SPAG1: variants seen among roughly 807,000 people sequenced by gnomAD.
SPAG1 encodes sperm-associated antigen 1.
A neutral mutation model predicts 100.5 loss-of-function variants in SPAG1; 69 were observed. That is an observed-to-expected ratio of 0.69 (90% confidence interval 0.57 to 0.84). The LOEUF is 0.84. SPAG1 is among the 40% of genes least tolerant of loss of function. SPAG1 has a pLI of 0.00. For missense variants in SPAG1, 955 were observed against 1,133.1 expected (o/e 0.84, Z 2.26); for synonymous variants, 336 against 411.6 (o/e 0.82, Z 2.22).
chr8:100,175,647 G>A (rs576384187), intron 3 of SPAG1, among the ~76,000 whole-genome samples: 5 of 152,224 alleles, frequency 3.3e-5, no homozygotes, highest in African/African-American at 4.8e-5. Context: ...AATTAGAGAC[G>A]TTGTGTTTAG....
At chr8:100,186,014 AT>A (rs768218604) in intron 7 of SPAG1, among the ~76,000 whole-genome samples, 2 of 145,262 alleles carry the variant, frequency 1.4e-5, no homozygotes, top group Non-Finnish European at 3.0e-5. Flanking sequence ...GCATAGTATG[AT>A]GGTTAAGGGA....
intron 12 of SPAG1, among the ~76,000 whole-genome samples, chr8:100,217,242 A>G (rs1818038173): frequency 6.6e-6 from 1 of 152,122 alleles, no homozygotes; most frequent in African/African-American, 2.4e-5. Flanking sequence ...TGCCTGGCCC[A>G]AAAGTTCTTA....
intron 4 of SPAG1, among the ~76,000 whole-genome samples, chr8:100,181,420 A>G (rs1816362095): frequency 6.6e-6 from 1 of 152,196 alleles, no homozygotes; most frequent in African/African-American, 2.4e-5. Context: ...AATACCCCTG[A>G]TTTTGAATCA....
chr8:100,226,845 A>G (rs568008239), intron 14 of SPAG1, among the ~76,000 whole-genome samples: 7 of 152,358 alleles, frequency 4.6e-5, no homozygotes, highest in South Asian at 2.1e-4. Context: ...TGGTATTTCA[A>G]TCAACAATGG....
chr8:100,184,674 G>A lies in SPAG1; in HGVS notation c.642G>A (p.Glu214=). 1 of 1,585,098 alleles carries A rather than the reference G, an allele frequency of 6.3e-7. No homozygotes were observed. Among genetic ancestry groups the A allele is most frequent in the Non-Finnish European group, 8.5e-7 (1 of 1,170,414 alleles). The change falls in exon 7 of 19, where the codon GAG becomes GAA. Residue 214 remains glutamate (E), a synonymous_variant. Transcript: ENST00000388798. ...EKDFLATREK[E]KGNEAFNSGD... ...ATTTTCTTGCCACTCGTGAAAAGGA[G>A]AAAGGAAATGAAGCTTTCAACTCAG...
At chr8:100,220,980 G>A (rs1013835188) in intron 13 of SPAG1, among the ~76,000 whole-genome samples, 2 of 152,062 alleles carry the variant, frequency 1.3e-5, no homozygotes, top group African/African-American at 4.8e-5. Context: ...GGCTGAGGCA[G>A]GAGAATTGTT....
chr8:100,233,339 C>G lies in SPAG1; in HGVS notation c.1989-72C>G, dbSNP rs146474292. ...CATATTGAGCTATTTTCTGATTTTT[C>G]TTAGCTGTCTAAAACTTACAGATAG... On this transcript the variant is annotated intron_variant, in intron 15 of 18. Coordinates refer to ENST00000388798, the MANE Select transcript of SPAG1 (RefSeq NM_003114.5). 28,678 of 1,541,886 alleles carry G rather than the reference C, an allele frequency of 0.019. 365 individuals carry two copies. Among genetic ancestry groups the G allele is most frequent in the Non-Finnish European group, 0.023 (25,978 of 1,129,000 alleles).
chr8:100,210,096 A>G (rs748892774), intron 10 of SPAG1, among the ~76,000 whole-genome samples: 6 of 151,718 alleles, frequency 4.0e-5, no homozygotes, highest in Non-Finnish European at 5.9e-5. Flanking sequence ...GAAAGCTTTC[A>G]TTACTTTTAT....
intron 9 of SPAG1, 76 bp from the exon 10 acceptor site, chr8:100,194,036 T>G (rs1413816339): frequency 8.7e-7 from 1 of 1,149,108 alleles, no homozygotes; most frequent in East Asian, 2.7e-5. Flanking sequence ...AACATCTTTA[T>G]GTTTTTAACC....
chr8:100,187,367 T>C (rs1183173193), intron 8 of SPAG1, 117 bp downstream of exon 8: 2 of 787,826 alleles, frequency 2.5e-6, no homozygotes, highest in Non-Finnish European at 3.6e-6. Flanking sequence ...AATTTCTGTA[T>C]GTGAATCACC....
intron 3 of SPAG1, among the ~76,000 whole-genome samples, chr8:100,168,397 CA>C (rs1815657441): frequency 6.6e-6 from 1 of 151,928 alleles, no homozygotes; most frequent in Admixed American, 6.6e-5. Flanking sequence ...ATTGAGTTGC[CA>C]AATAATTGTT....
chr8:100,202,476 C>T (rs1425126758), intron 10 of SPAG1, among the ~76,000 whole-genome samples: 12 of 150,038 alleles, frequency 8.0e-5, no homozygotes, highest in East Asian at 2.0e-4. Flanking sequence ...TTTGGGAGGC[C>T]GAGGCGGGCG....
At chr8:100,224,702 A>T (rs1818430514) in intron 13 of SPAG1, among the ~76,000 whole-genome samples, 1 of 152,220 alleles carries the variant, frequency 6.6e-6, no homozygotes, top group Non-Finnish European at 1.5e-5. Context: ...CCAGTCTTGT[A>T]CACCTGTTGT....
intron 14 of SPAG1, among the ~76,000 whole-genome samples, chr8:100,229,035 T>G (rs1489690443): frequency 6.6e-6 from 1 of 152,270 alleles, no homozygotes; most frequent in South Asian, 2.1e-4. Context: ...ACAATAGAAC[T>G]GTAGCAGTTT....
chr8:100,195,958 C>G (rs2132295548), intron 10 of SPAG1, among the ~76,000 whole-genome samples: 1 of 152,258 alleles, frequency 6.6e-6, no homozygotes, highest in Admixed American at 6.5e-5. Context: ...CCAGAATGTC[C>G]TATAAATGGA....
At chr8:100,175,433 C>A (rs1320767352) in intron 3 of SPAG1, among the ~76,000 whole-genome samples, 3 of 151,896 alleles carry the variant, frequency 2.0e-5, no homozygotes. Context: ...TACAGGCGCC[C>A]ACCACCATGC....
chr8:100,240,999 C>T lies in SPAG1; in HGVS notation c.2758C>T (p.Leu920=). 6.2e-7 allele frequency: 1 copy of T among 1,611,874 alleles called. No homozygotes were observed. The highest frequency in any genetic ancestry group is 2.2e-5 in the East Asian group (1 of 44,798). Residue 920 remains leucine, a synonymous_variant, in exon 19 of 19, where the codon CTA becomes TTA. Coordinates refer to ENST00000388798, the MANE Select transcript of SPAG1 (RefSeq NM_003114.5). ...NHFTLEDIQA[L]KRQYEL ...TTTTACTTTAGAAGATATACAGGCC[C>T]TAAAAAGGCAGTATGAGCTTTAAAT...
At chr8:100,216,812 C>A (rs1382005414) in intron 12 of SPAG1, among the ~76,000 whole-genome samples, 1 of 152,032 alleles carries the variant, frequency 6.6e-6, no homozygotes, top group Non-Finnish European at 1.5e-5. Context: ...ATCTTTTCAG[C>A]TCAAGTGACT....
At chr8:100,232,449 C>G (rs1365856395) in intron 15 of SPAG1, among the ~76,000 whole-genome samples, 2 of 152,154 alleles carry the variant, frequency 1.3e-5, no homozygotes, top group African/African-American at 2.4e-5. Context: ...GTCTTCTGAG[C>G]TCCAGACTGA....
Sources: allele counts gnomAD v4.1 joint callset (sites outside exome capture counted in the v4.1 genomes callset), GRCh38; gene constraint gnomAD v4.1.1; transcripts MANE v1.5; gene names NCBI Gene and HGNC (gene_info 2026-07-23, HGNC 2026-07-21).